GRB14: variants seen among roughly 807,000 people sequenced by gnomAD.
GRB14 encodes growth factor receptor-bound protein 14.
In GRB14, 38 loss-of-function variants were observed where a neutral mutation model predicts 69.1. The ratio of observed to expected loss-of-function variants is 0.55; its 90% CI spans 0.42 to 0.72. The LOEUF (loss-of-function observed/expected upper bound fraction) is 0.72, where lower values mean the gene tolerates loss of function less well. GRB14 is among the 30% of genes least tolerant of loss of function. GRB14 has a pLI of 0.00. For missense variants in GRB14, 666 were observed against 666.1 expected, an observed-to-expected ratio of 1.00 and a Z score of 0.00; for synonymous variants, 247 against 241.3, an observed-to-expected ratio of 1.02 and a Z score of -0.22.
rs1686923874 is a variant in GRB14, at chr2:164,497,196, T to G, written c.1294+15A>C. The stretch of plus-strand genomic sequence containing the variant: ...TATCCGTCTACTCAGTGGCAATGAC[T>G]ATGAACAGACATACCCATGTTTGTG... On this transcript the variant is annotated intron_variant, in intron 11 of 13. Coordinates refer to ENST00000263915, the MANE Select transcript of GRB14 (RefSeq NM_004490.3). 1 of 1,608,440 alleles carries G rather than the reference T, an allele frequency of 6.2e-7. No homozygotes were observed. Among genetic ancestry groups the G allele is most frequent in the Non-Finnish European group, 8.5e-7 (1 of 1,175,012 alleles).
Position 164,541,349 on chromosome 2 carries a change from G to A in GRB14, c.481+6311C>T, listed in dbSNP as rs1559042274. On this transcript the variant is annotated intron_variant, in intron 3 of 13. Transcript: ENST00000263915. ...TAGCTGGGCGTGGTGGTGGGTGCCT[G>A]TAATCTCAGCTACTTGGGAGGCTGA... is the stretch of plus-strand genomic sequence containing the variant. Among the ~76,000 whole-genome samples, 4 of 152,070 alleles carry A rather than the reference G, an allele frequency of 2.6e-5. No homozygotes were observed. In the Middle Eastern group the frequency reaches 0.01, roughly 388 times the overall value.
chr2:164,565,485 G>C (rs948587959), intron 2 of GRB14, among the ~76,000 whole-genome samples: 4 of 152,122 alleles, frequency 2.6e-5, no homozygotes, highest in African/African-American at 9.7e-5. Flanking sequence ...CACGTATCTA[G>C]GAGAAGCATA....
chr2:164,587,991 T>G (rs1689576633), intron 2 of GRB14, among the ~76,000 whole-genome samples: 1 of 152,186 alleles, frequency 6.6e-6, no homozygotes, highest in Admixed American at 6.5e-5. Context: ...ACTGCATTCC[T>G]TCAGGACTTC....
At chr2:164,591,883 G>A (rs1408081750) in intron 2 of GRB14, among the ~76,000 whole-genome samples, 3 of 152,076 alleles carry the variant, frequency 2.0e-5, no homozygotes, top group African/African-American at 7.2e-5. Flanking sequence ...GGGACCCAGT[G>A]GGAGATAATT....
chr2:164,612,735 A>G (rs1473145456), intron 2 of GRB14, among the ~76,000 whole-genome samples: 3 of 152,156 alleles, frequency 2.0e-5, no homozygotes, highest in Admixed American at 6.5e-5. Flanking sequence ...GATGACTCCA[A>G]TTTTCTTTCT....
At chr2:164,500,014 T>G (rs1487858421) in intron 9 of GRB14, among the ~76,000 whole-genome samples, 1 of 152,102 alleles carries the variant, frequency 6.6e-6, no homozygotes, top group East Asian at 1.9e-4. Context: ...GATATGTCTG[T>G]TGTAGGGTTC....
At chr2:164,606,466 T>G (rs1690043161) in intron 2 of GRB14, among the ~76,000 whole-genome samples, 1 of 152,222 alleles carries the variant, frequency 6.6e-6, no homozygotes, top group Admixed American at 6.5e-5. Flanking sequence ...CTTTCTTGAC[T>G]AAAGAGTCAA....
chr2:164,537,681 T>A (rs1361440603), intron 3 of GRB14, among the ~76,000 whole-genome samples: 1 of 152,148 alleles, frequency 6.6e-6, no homozygotes, highest in East Asian at 1.9e-4. Flanking sequence ...GCCGAGGCTA[T>A]AAGAATATGT....
intron 13 of GRB14, 27 bp downstream of exon 13, chr2:164,494,404 A>G: frequency 8.4e-7 from 1 of 1,189,990 alleles, no homozygotes; most frequent in South Asian, 1.2e-5. Flanking sequence ...TTTCTAATAC[A>G]CAAATGTGAA....
intron 2 of GRB14, among the ~76,000 whole-genome samples, chr2:164,581,867 A>G (rs925695037): frequency 4.6e-5 from 7 of 152,280 alleles, no homozygotes; most frequent in Admixed American, 3.3e-4. Context: ...AAGAAAAAAG[A>G]CACTAAACTT....
chr2:164,615,340 C>A (rs1458469550), intron 2 of GRB14, among the ~76,000 whole-genome samples: 2 of 151,930 alleles, frequency 1.3e-5, no homozygotes, highest in Non-Finnish European at 2.9e-5. Context: ...GAGAAGAAAG[C>A]TAGAAGAAAA....
chr2:164,496,135 A>G lies in GRB14; in HGVS notation c.1382+873T>C, dbSNP rs114915054. 2.4e-3 allele frequency among the ~76,000 whole-genome samples: 365 copies of G among 152,318 alleles called. 1 individual carries two copies. Among genetic ancestry groups the G allele is most frequent in the Non-Finnish European group, 4.4e-3 (298 of 68,008 alleles). On this transcript the variant is annotated intron_variant, in intron 12 of 13. Coordinates refer to ENST00000263915, the MANE Select transcript of GRB14 (RefSeq NM_004490.3). ...CTATTAATAATCTTCCATGTGAAGAAGCATTGTTATCCAAATTTCAGTATT... is the reference window on the plus strand; with the variant it reads ...CTATTAATAATCTTCCATGTGAAGAGGCATTGTTATCCAAATTTCAGTATT...
chr2:164,568,118 G>A (rs1485705680), intron 2 of GRB14, among the ~76,000 whole-genome samples: 4 of 152,236 alleles, frequency 2.6e-5, no homozygotes, highest in Admixed American at 6.5e-5. Context: ...TAACTATAGC[G>A]ATGTCCTAGC....
chr2:164,563,711 A>C (rs971938135), intron 2 of GRB14, among the ~76,000 whole-genome samples: 23 of 152,248 alleles, frequency 1.5e-4, no homozygotes, highest in African/African-American at 5.1e-4. Context: ...AAGTGAAAGA[A>C]AAATAAATCT....
At chr2:164,496,706 T>A (rs1477251725) in intron 12 of GRB14, among the ~76,000 whole-genome samples, 7 of 152,168 alleles carry the variant, frequency 4.6e-5, no homozygotes, top group Admixed American at 4.6e-4. Context: ...TTTTCCCCCA[T>A]CAATTGATAT....
chr2:164,531,507 A>G (rs993912850), intron 3 of GRB14, among the ~76,000 whole-genome samples: 2 of 152,210 alleles, frequency 1.3e-5, no homozygotes, highest in African/African-American at 4.8e-5. Context: ...AAAGGAAAAA[A>G]TAGCAAAGAG....
At chr2:164,611,396 C>A (rs1488412287) in intron 2 of GRB14, among the ~76,000 whole-genome samples, 2 of 151,924 alleles carry the variant, frequency 1.3e-5, no homozygotes, top group African/African-American at 2.4e-5. Flanking sequence ...TAGATTCAAG[C>A]CTACTTTGAT....
At chr2:164,544,765 G>A (rs976304698) in intron 3 of GRB14, among the ~76,000 whole-genome samples, 1 of 152,092 alleles carries the variant, frequency 6.6e-6, no homozygotes, top group Non-Finnish European at 1.5e-5. Context: ...GGATACCGTG[G>A]AACAATTCTA....
At chr2:164,545,855 A>G (rs1688360105) in intron 3 of GRB14, among the ~76,000 whole-genome samples, 1 of 152,236 alleles carries the variant, frequency 6.6e-6, no homozygotes, top group Non-Finnish European at 1.5e-5. Flanking sequence ...TCTTTAGAAC[A>G]TACTAAAAGA....
Sources: allele counts gnomAD v4.1 joint callset (sites outside exome capture counted in the v4.1 genomes callset), GRCh38; gene constraint gnomAD v4.1.1; transcripts MANE v1.5; gene names NCBI Gene and HGNC (gene_info 2026-07-23, HGNC 2026-07-21).